Variants in MAGI1 observed in about 807,000 individuals in gnomAD.
The protein encoded by MAGI1 is membrane associated guanylate kinase, WW and PDZ domain containing 1, also known as membrane-associated guanylate kinase, WW and PDZ domain-containing protein 1.
In MAGI1, 58 loss-of-function variants were observed where a neutral mutation model predicts 139.9. The ratio of observed to expected loss-of-function variants is 0.41; its 90% CI spans 0.34 to 0.52. MAGI1 has a LOEUF of 0.52. MAGI1 is among the 20% of genes least tolerant of loss of function. MAGI1 has a pLI of 0.12. For synonymous variants in MAGI1, 812 were observed against 737.9 expected (o/e 1.10, Z -1.63); for missense variants, 1,874 against 1,901.6 (o/e 0.99, Z 0.27).
intron 2 of MAGI1, among the ~76,000 whole-genome samples, chr3:65,601,355 G>T (rs997716796): frequency 6.6e-5 from 10 of 152,062 alleles, no homozygotes; most frequent in Non-Finnish European, 2.9e-5. Context: ...AGTAAGAACA[G>T]CCATTAACAG....
chr3:65,401,377 C>CCAA, intron 13 of MAGI1, 62 bp downstream of exon 13: 1 of 1,030,842 alleles, frequency 9.7e-7, no homozygotes, highest in Non-Finnish European at 1.5e-6. Context: ...TACCCTCCCA[C>CCAA]CTCCAGCCCC....
chr3:65,430,572 G>T, intron 11 of MAGI1, 127 bp downstream of exon 11: 1 of 951,778 alleles, frequency 1.1e-6, no homozygotes, highest in Non-Finnish European at 1.6e-6. Flanking sequence ...GGTGTTTAAA[G>T]CTGTAAACAT....
At chr3:65,731,238 T>C (rs1340031254) in intron 1 of MAGI1, among the ~76,000 whole-genome samples, 1 of 152,230 alleles carries the variant, frequency 6.6e-6, no homozygotes, top group East Asian at 1.9e-4. Context: ...AATATGGGAA[T>C]GTTTGTTTGC....
rs548514492 is a variant in MAGI1 at position 65,867,964 on chromosome 3, T to G, written c.313+170032A>C. 1.4e-4 allele frequency among the ~76,000 whole-genome samples: 22 copies of G among 152,284 alleles called. No individual in the cohort carries two copies. The South Asian group carries it at 4.6e-3, about 32-fold the overall frequency. ...CCCAAAAGTGCCTCCTTGTAACCAC[T>G]GATCTATCAGGAATCCATAAGCTGC... On this transcript the variant is annotated intron_variant, in intron 1 of 22. Coordinates refer to ENST00000402939, the MANE Select transcript of MAGI1 (RefSeq NM_001033057.2).
intron 2 of MAGI1, among the ~76,000 whole-genome samples, chr3:65,500,287 A>G (rs888951611): frequency 1.3e-5 from 2 of 152,200 alleles, no homozygotes; most frequent in Non-Finnish European, 2.9e-5. Flanking sequence ...TTTGTACTAG[A>G]ATAGTGAATA....
At chr3:65,860,622 G>T (rs1443272889) in intron 1 of MAGI1, among the ~76,000 whole-genome samples, 1 of 152,206 alleles carries the variant, frequency 6.6e-6, no homozygotes, top group East Asian at 1.9e-4. Context: ...TCAGCCAGGT[G>T]CCAGAGAAAG....
chr3:65,769,578 C>T (rs2107930859), intron 1 of MAGI1, among the ~76,000 whole-genome samples: 1 of 152,288 alleles, frequency 6.6e-6, no homozygotes, highest in South Asian at 2.1e-4. Context: ...CAGGTACAAG[C>T]TGCAATTTCA....
chr3:65,382,153 T>C, intron 15 of MAGI1, 84 bp from the exon 16 acceptor site: 1 of 1,136,236 alleles, frequency 8.8e-7, no homozygotes, highest in Non-Finnish European at 1.3e-6. Context: ...CTGGGAACAA[T>C]TCATTCATTC....
chr3:65,359,810 T>A, intron 22 of MAGI1: 1 of 985,724 alleles, frequency 1.0e-6, no homozygotes, highest in Non-Finnish European at 1.2e-6. Flanking sequence ...TCATCCTCAG[T>A]GCAACAGACA....
At chr3:65,619,867 T>C in intron 2 of MAGI1, 1 of 985,164 alleles carries the variant, frequency 1.0e-6, no homozygotes, top group Non-Finnish European at 1.2e-6. Flanking sequence ...TCTCTTTTAG[T>C]AGGAACACCA....
chr3:65,789,135 C>T (rs977945900), intron 1 of MAGI1, among the ~76,000 whole-genome samples: 8 of 152,046 alleles, frequency 5.3e-5, no homozygotes, highest in African/African-American at 1.9e-4. Flanking sequence ...GAGCTATGAT[C>T]GCACCACTGC....
At chr3:65,999,232 C>A (rs538321848) in intron 1 of MAGI1, among the ~76,000 whole-genome samples, 1 of 152,066 alleles carries the variant, frequency 6.6e-6, no homozygotes, top group Non-Finnish European at 1.5e-5. Context: ...CGCACAACCC[C>A]GCACTCCCTG....
chr3:65,802,500 T>C (rs566945428), intron 1 of MAGI1, among the ~76,000 whole-genome samples: 2 of 152,228 alleles, frequency 1.3e-5, no homozygotes, highest in African/African-American at 4.8e-5. Context: ...AAATAAAAAG[T>C]CCTTTAGAAT....
In MAGI1 at chr3:65,641,691, C is replaced by G. The variant is rs565194573; in HGVS notation, c.314-19603G>C. ...ATAAGGAAGTGGAAAAATTCTAACA[C>G]CCTCTTAGAGTCACAGCCCTGGGAA... is the stretch of plus-strand genomic sequence containing the variant. On this transcript the variant is annotated intron_variant, in intron 1 of 22. Coordinates refer to ENST00000402939, the MANE Select transcript of MAGI1 (RefSeq NM_001033057.2). Among the ~76,000 whole-genome samples, 9 of 152,250 alleles carry G rather than the reference C, an allele frequency of 5.9e-5. No individual in the cohort carries two copies. In the East Asian group the frequency reaches 1.4e-3, roughly 23 times the overall value.
At chr3:65,816,937 G>C (rs535358492) in intron 1 of MAGI1, among the ~76,000 whole-genome samples, 3 of 152,130 alleles carry the variant, frequency 2.0e-5, no homozygotes, top group South Asian at 4.1e-4. Flanking sequence ...TCTATTCAAC[G>C]GACTAAAAAA....
At position 65,687,480 on chromosome 3, in the gene MAGI1, G is replaced by T. The variant is rs1285068919; in HGVS notation, c.314-65392C>A. 2.9e-5 allele frequency: 11 copies of T among 379,658 alleles called. No individual in the cohort carries two copies. In the East Asian group the frequency reaches 6.5e-4, roughly 22 times the overall value. The allele number at this position is 379,658 out of a possible 1,614,324, so 23.5% of individuals were successfully genotyped here. On this transcript the variant is annotated intron_variant, in intron 1 of 22. Transcript: ENST00000402939. ...TCCTTCAGTGAGGCCTTCCTGAAGAGCAATCAGGACCCAGCTCCTGATTCT... is the reference window on the plus strand; with the variant it reads ...TCCTTCAGTGAGGCCTTCCTGAAGATCAATCAGGACCCAGCTCCTGATTCT...
chr3:66,010,435 T>C (rs4417899), intron 1 of MAGI1, among the ~76,000 whole-genome samples: 65,653 of 151,940 alleles, frequency 0.43, 16,258 homozygotes, highest in East Asian at 0.76. Flanking sequence ...TAGCATGATA[T>C]TCACTGATGC....
At chr3:65,741,213 C>A (rs1305214194) in intron 1 of MAGI1, among the ~76,000 whole-genome samples, 3 of 151,664 alleles carry the variant, frequency 2.0e-5, no homozygotes, top group Non-Finnish European at 4.4e-5. Flanking sequence ...CTCACTCTGT[C>A]CCCCAGGCTG....
intron 1 of MAGI1, among the ~76,000 whole-genome samples, chr3:65,784,277 GC>G (rs1337766601): frequency 6.6e-6 from 1 of 152,200 alleles, no homozygotes; most frequent in Non-Finnish European, 1.5e-5. Context: ...ATTCCTAGGA[GC>G]AATCCCACTC....
Sources: gnomAD v4.1 joint callset for allele counts (sites outside exome capture counted in the v4.1 genomes callset) on GRCh38, gnomAD v4.1.1 for gene constraint, MANE v1.5 for transcripts, NCBI Gene and HGNC (gene_info 2026-07-23, HGNC 2026-07-21) for gene names.